RBM26: variants seen among roughly 807,000 people sequenced by gnomAD.
RBM26 encodes RNA binding motif protein 26.
A neutral mutation model predicts 123.6 loss-of-function variants in RBM26; 30 were observed. The observed-to-expected ratio is 0.24, with a 90% confidence interval of 0.18 to 0.33. The LOEUF (loss-of-function observed/expected upper bound fraction) is 0.33. RBM26 is among the 10% of genes least tolerant of loss of function. The pLI is 1.00. For missense variants in RBM26, 947 were observed against 1,203.6 expected, an observed-to-expected ratio of 0.79 and a Z score of 3.15; for synonymous variants, 400 against 404.4, an observed-to-expected ratio of 0.99 and a Z score of 0.13.
intron 1 of RBM26, among the ~76,000 whole-genome samples, chr13:79,391,922 C>G (rs1353646338): frequency 2.7e-5 from 4 of 146,180 alleles, no homozygotes; most frequent in African/African-American, 1.0e-4. Flanking sequence ...ATATATAATA[C>G]GTAACACTAT....
intron 4 of RBM26, 105 bp downstream of exon 4, chr13:79,371,737 G>A (rs1437583241): frequency 2.7e-6 from 2 of 743,984 alleles, no homozygotes; most frequent in Admixed American, 5.0e-5. Context: ...ACCAATAAAA[G>A]AGTAGATATT....
At chr13:79,321,548 G>A (rs182412688) in intron 21 of RBM26, among the ~76,000 whole-genome samples, 19 of 151,382 alleles carry the variant, frequency 1.3e-4, no homozygotes, top group African/African-American at 3.4e-4. Context: ...TGGTTTCAAA[G>A]GCCTCTAACA....
At chr13:79,334,000 A>G (rs2069875139) in intron 20 of RBM26, among the ~76,000 whole-genome samples, 1 of 152,150 alleles carries the variant, frequency 6.6e-6, no homozygotes, top group Admixed American at 6.5e-5. Context: ...ATTCTGCCAA[A>G]GCAGATCCTG....
At chr13:79,377,750 C>A (rs2076766648) in intron 2 of RBM26, among the ~76,000 whole-genome samples, 1 of 151,760 alleles carries the variant, frequency 6.6e-6, no homozygotes, top group Non-Finnish European at 1.5e-5. Flanking sequence ...AGCCCTGTCT[C>A]CACAAAAATT....
At chr13:79,373,491 A>T (rs1330842091) in intron 3 of RBM26, among the ~76,000 whole-genome samples, 10 of 6,176 alleles carry the variant, frequency 1.6e-3, no homozygotes, top group South Asian at 4.6e-3. Context: ...AATATATATA[A>T]TATGTATAAA....
intron 10 of RBM26, among the ~76,000 whole-genome samples, chr13:79,358,777 G>A (rs2074320675): frequency 6.6e-6 from 1 of 151,958 alleles, no homozygotes; most frequent in Non-Finnish European, 1.5e-5. Context: ...GTAAAAGTCA[G>A]CTTACTAAAA....
At chr13:79,362,250 G>C (rs766402400) in intron 9 of RBM26, among the ~76,000 whole-genome samples, 6 of 152,140 alleles carry the variant, frequency 3.9e-5, no homozygotes, top group Non-Finnish European at 8.8e-5. Flanking sequence ...TCCAGGGCAG[G>C]AAACGGGTGT....
rs1334268860 is a variant in RBM26 at position 79,322,420 on chromosome 13, G to C, written c.2863C>G (p.Leu955Val). 6 of 1,581,364 alleles carry C rather than the reference G, an allele frequency of 3.8e-6. No homozygotes were observed. Among genetic ancestry groups the C allele is most frequent in the Non-Finnish European group, 5.1e-6 (6 of 1,167,024 alleles). ...GARFKGQDLK[L>V]AWNKPVTNIS... ...TTAGTTACTGGTTTATTCCATGCCA[G>C]TTTTAGATCTTGCCCTTTGAAACGA... Residue 955 changes from leucine (L) to valine (V), a missense_variant, in exon 21 of 22, where the codon CTG becomes GTG. By Grantham distance (32) the Leu-to-Val change is conservative (BLOSUM62 1). Transcript: ENST00000438737.
At chr13:79,355,478 A>G in intron 11 of RBM26, 94 bp from the exon 12 acceptor site, 1 of 897,068 alleles carries the variant, frequency 1.1e-6, no homozygotes, top group Non-Finnish European at 1.7e-6. Flanking sequence ...TGGTCCTTCC[A>G]AGTAAGATTC....
chr13:79,386,262 T>C (rs1298048468), intron 1 of RBM26, among the ~76,000 whole-genome samples: 2 of 151,950 alleles, frequency 1.3e-5, no homozygotes, highest in East Asian at 1.9e-4. Flanking sequence ...GTTATACTGG[T>C]TGAAGTACAT....
chr13:79,375,096 T>TTATATATATATCATATAAATATATATTTA (rs368938349), intron 3 of RBM26, among the ~76,000 whole-genome samples: 3 of 95,294 alleles, frequency 3.1e-5, no homozygotes, highest in African/African-American at 7.4e-5. Flanking sequence ...AAATATATAT[T>TTATATATATATCATATAAATATATATTTA]TATATATATC....
chr13:79,374,504 A>T (rs1001270345), intron 3 of RBM26, among the ~76,000 whole-genome samples: 1 of 152,154 alleles, frequency 6.6e-6, no homozygotes, highest in African/African-American at 2.4e-5. Flanking sequence ...AAACAAAAAA[A>T]AGTGTGCCAC....
intron 1 of RBM26, among the ~76,000 whole-genome samples, chr13:79,390,741 G>C (rs371278899): frequency 1.3e-5 from 2 of 152,100 alleles, no homozygotes; most frequent in East Asian, 3.8e-4. Context: ...TCAATGACGG[G>C]TATGTCACTG....
chr13:79,333,487 G>C (rs566950704), intron 20 of RBM26, among the ~76,000 whole-genome samples: 1 of 152,318 alleles, frequency 6.6e-6, no homozygotes, highest in Non-Finnish European at 1.5e-5. Flanking sequence ...AATAAATGTA[G>C]AGGTTTTTTC....
rs549777027 is a variant in RBM26 at position 79,396,316 on chromosome 13, GA to G, written c.71+9387del. 2.3e-3 allele frequency among the ~76,000 whole-genome samples: 348 copies of G among 151,466 alleles called. 2 individuals are homozygous for G. Among genetic ancestry groups the G allele is most frequent in the African/African-American group, 7.3e-3 (300 of 41,306 alleles). ...AAATAAAACACTGAAATAGAAAATA[GA>G]AAAAAAAGTTAACATTGTTCTTTAA... On this transcript the variant is annotated intron_variant, in intron 1 of 21. Transcript: ENST00000438737.
chr13:79,322,726 T>A (rs1410432810), intron 20 of RBM26, among the ~76,000 whole-genome samples: 2 of 151,516 alleles, frequency 1.3e-5, no homozygotes, highest in Non-Finnish European at 3.0e-5. Context: ...CATAATAAAA[T>A]ATAGCTATTT....
At chr13:79,393,701 CCCGTATGA>C (rs1284820393) in intron 1 of RBM26, among the ~76,000 whole-genome samples, 4 of 152,156 alleles carry the variant, frequency 2.6e-5, no homozygotes, top group Admixed American at 2.6e-4. Flanking sequence ...CTCTCCTCCC[CCCGTATGA>C]CCACTGAGAT....
Position 79,318,976 on chromosome 13 carries a change from A to G in RBM26, c.*1645T>C, listed in dbSNP as rs543222421. 55 of 970,298 alleles carry G rather than the reference A, an allele frequency of 5.7e-5. No homozygotes were observed. In the East Asian group the frequency reaches 5.7e-4, roughly 10 times the overall value. The allele number at this position is 970,298 out of a possible 1,614,324, so 60.1% of individuals were successfully genotyped here. ...AAAAATAGATCTTTGATTTAAATAT[A>G]TAAGTAAAAATAGTGACTTTTTGAG... On this transcript the variant is annotated 3_prime_UTR_variant, in exon 22 of 22. Transcript: ENST00000438737.
In RBM26 at chr13:79,356,375, AAAAAAAAAACAAAC is replaced by A. The variant is rs1489423366; in HGVS notation, c.1690-1005_1690-992del. 3.2e-3 allele frequency among the ~76,000 whole-genome samples: 320 copies of A among 99,538 alleles called. 3 individuals carry two copies. The highest frequency in any genetic ancestry group is 0.012 in the African/African-American group (299 of 24,304). The allele number at this position is 99,538 out of a possible 152,430, so 65.3% of individuals were successfully genotyped here. The stretch of plus-strand genomic sequence containing the variant: ...CAAGAGTGAGACTCTGTCTCAAAAA[AAAAAAAAAACAAAC>A]AAAAAAAAACAAAAAAGTAGTTGGA... On this transcript the variant is annotated intron_variant, in intron 11 of 21. Transcript: ENST00000438737.
Sources: gnomAD v4.1 joint callset for allele counts (sites outside exome capture counted in the v4.1 genomes callset) on GRCh38, gnomAD v4.1.1 for gene constraint, MANE v1.5 for transcripts, NCBI Gene and HGNC (gene_info 2026-07-23, HGNC 2026-07-21) for gene names.